Variants in KAZN observed in about 807,000 individuals in gnomAD.
KAZN encodes the protein kazrin, periplakin interacting protein, also known as kazrin.
In KAZN, 40 loss-of-function variants were observed where a neutral mutation model predicts 87.4. That is an observed-to-expected ratio of 0.46 (90% CI 0.36 to 0.60). The LOEUF (loss-of-function observed/expected upper bound fraction) is 0.60, where lower values mean the gene tolerates loss of function less well. Among genes scored for constraint, KAZN ranks in the 20% least tolerant of loss-of-function variants. KAZN has a pLI of 0.00. For synonymous variants in KAZN, 466 were observed against 458.3 expected (o/e 1.02, Z -0.22); for missense variants, 898 against 1,073.9 (o/e 0.84, Z 2.29).
chr1:14,813,293 T>A (rs1244555889), intron 1 of KAZN, among the ~76,000 whole-genome samples: 1 of 152,154 alleles, frequency 6.6e-6, no homozygotes, highest in Non-Finnish European at 1.5e-5. Flanking sequence ...GCAACAGAAG[T>A]GCATATGGGG....
At chr1:15,058,893 A>G (rs1043637456) in intron 5 of KAZN, among the ~76,000 whole-genome samples, 1 of 151,956 alleles carries the variant, frequency 6.6e-6, no homozygotes, top group African/African-American at 2.4e-5. Flanking sequence ...GTGGTGGCAG[A>G]TGCCTGTAAT....
At chr1:14,711,615 C>A (rs1389135506) in intron 1 of KAZN, among the ~76,000 whole-genome samples, 1 of 152,210 alleles carries the variant, frequency 6.6e-6, no homozygotes, top group Non-Finnish European at 1.5e-5. Flanking sequence ...CTCTCCCCAT[C>A]TCTCACTTGC....
chr1:14,620,929 G>A (rs1032831395), intron 1 of KAZN, among the ~76,000 whole-genome samples: 35 of 152,160 alleles, frequency 2.3e-4, no homozygotes, highest in African/African-American at 8.4e-4. Context: ...TCTTCAGTGT[G>A]CCCATTTGTT....
intron 2 of KAZN, among the ~76,000 whole-genome samples, chr1:14,496,918 C>T (rs1669973576): frequency 6.6e-6 from 1 of 151,958 alleles, no homozygotes; most frequent in Non-Finnish European, 1.5e-5. Context: ...TGTGACTCTA[C>T]AGAGATTCTG....
intron 2 of KAZN, among the ~76,000 whole-genome samples, chr1:14,300,132 G>A (rs1654438924): frequency 6.6e-6 from 1 of 152,162 alleles, no homozygotes; most frequent in African/African-American, 2.4e-5. Flanking sequence ...TAGCACATAT[G>A]TTTGGAGTGT....
chr1:14,369,358 A>C (rs1660283125), intron 2 of KAZN, among the ~76,000 whole-genome samples: 1 of 152,146 alleles, frequency 6.6e-6, no homozygotes. Flanking sequence ...GACTGTATTT[A>C]CCTTAAAGGA....
intron 2 of KAZN, among the ~76,000 whole-genome samples, chr1:14,358,687 T>C (rs950908862): frequency 1.3e-5 from 2 of 152,224 alleles, no homozygotes; most frequent in African/African-American, 4.8e-5. Flanking sequence ...ATTTACCCAG[T>C]AGTCATTCAG....
intron 1 of KAZN, among the ~76,000 whole-genome samples, chr1:13,903,512 C>T (rs1221281302): frequency 6.6e-6 from 1 of 152,186 alleles, no homozygotes; most frequent in Non-Finnish European, 1.5e-5. Flanking sequence ...CAGTGGGGGA[C>T]TCCCATCGAA....
intron 1 of KAZN, among the ~76,000 whole-genome samples, chr1:14,917,694 A>T (rs1483080189): frequency 2.0e-5 from 3 of 152,056 alleles, no homozygotes; most frequent in African/African-American, 7.2e-5. Flanking sequence ...CACGCTAGTG[A>T]TTTGCATCCT....
chr1:15,011,380 A>G (rs1208022202), intron 2 of KAZN, among the ~76,000 whole-genome samples: 1 of 152,192 alleles, frequency 6.6e-6, no homozygotes, highest in Admixed American at 6.5e-5. Flanking sequence ...GCAAGATCCC[A>G]GCTCCGAAGG....
At chr1:14,115,447 T>A (rs75110739) in intron 1 of KAZN, among the ~76,000 whole-genome samples, 1 of 152,162 alleles carries the variant, frequency 6.6e-6, no homozygotes, top group African/African-American at 2.4e-5. Flanking sequence ...TCTTATGAGA[T>A]CTAATGGTTC....
At chr1:14,568,917 G>T (rs1057171084) in intron 2 of KAZN, among the ~76,000 whole-genome samples, 20 of 152,194 alleles carry the variant, frequency 1.3e-4, no homozygotes, top group African/African-American at 4.8e-4. Flanking sequence ...CCTACTATGT[G>T]CCTTGCATTT....
At chr1:14,320,379 T>A (rs1655965622) in intron 2 of KAZN, among the ~76,000 whole-genome samples, 1 of 152,142 alleles carries the variant, frequency 6.6e-6, no homozygotes, top group Admixed American at 6.6e-5. Flanking sequence ...CAAGGGATTC[T>A]TATACACAAA....
intron 2 of KAZN, among the ~76,000 whole-genome samples, chr1:15,019,442 G>A (rs1442420453): frequency 6.6e-6 from 1 of 152,202 alleles, no homozygotes; most frequent in African/African-American, 2.4e-5. Context: ...AGGCTGGAGT[G>A]CAGTGGTGCA....
chr1:15,098,331 A>G (rs1292901289), intron 10 of KAZN, among the ~76,000 whole-genome samples: 1 of 152,252 alleles, frequency 6.6e-6, no homozygotes, highest in Non-Finnish European at 1.5e-5. Flanking sequence ...TCAAACCAAC[A>G]GCTGGGAACG....
intron 2 of KAZN, among the ~76,000 whole-genome samples, chr1:14,467,437 T>C (rs1668225808): frequency 6.6e-6 from 1 of 151,620 alleles, no homozygotes; most frequent in Non-Finnish European, 1.5e-5. Context: ...ACTTAAGATA[T>C]ACAGAAAACA....
intron 1 of KAZN, among the ~76,000 whole-genome samples, chr1:14,024,650 C>A (rs916141891): frequency 6.6e-6 from 1 of 152,178 alleles, no homozygotes; most frequent in Non-Finnish European, 1.5e-5. Flanking sequence ...TATTCTGGAG[C>A]AGGTGTGGCA....
chr1:13,958,580 A>AG (rs1448746279), intron 1 of KAZN, among the ~76,000 whole-genome samples: 7 of 151,644 alleles, frequency 4.6e-5, no homozygotes, highest in African/African-American at 1.7e-4. Context: ...TCTCAAAAAA[A>AG]AAAAAAAAAT....
intron 1 of KAZN, among the ~76,000 whole-genome samples, chr1:13,950,058 C>T (rs1183772010): frequency 6.6e-6 from 1 of 152,200 alleles, no homozygotes; most frequent in East Asian, 1.9e-4. Flanking sequence ...CCCCCTCTTC[C>T]AACACATCCC....
Sources: gnomAD v4.1 joint callset for allele counts (sites outside exome capture counted in the v4.1 genomes callset) on GRCh38, gnomAD v4.1.1 for gene constraint, MANE v1.5 for transcripts, NCBI Gene and HGNC (gene_info 2026-07-23, HGNC 2026-07-21) for gene names.